HYDIN: variants seen among roughly 807,000 people sequenced by gnomAD.
The protein encoded by HYDIN is axonemal central pair apparatus protein HYDIN.
A neutral mutation model predicts 403.9 loss-of-function variants in HYDIN; 132 were observed. The observed-to-expected ratio is 0.33, with a 90% CI of 0.28 to 0.38. The LOEUF (loss-of-function observed/expected upper bound fraction) is 0.38. Ranked by LOEUF, HYDIN falls within the 10% of genes least tolerant of loss-of-function variation. HYDIN has a pLI of 1.00. For synonymous variants in HYDIN, 1,202 were observed against 1,891.7 expected (o/e 0.64, Z 9.46); for missense variants, 2,827 against 5,009.5 (o/e 0.56, Z 13.15).
At chr16:70,946,119 G>A (rs2077852296) in intron 41 of HYDIN, among the ~76,000 whole-genome samples, 1 of 145,232 alleles carries the variant, frequency 6.9e-6, no homozygotes, top group South Asian at 2.4e-4. Context: ...CATTGGATAA[G>A]AGAAGGGGTG....
intron 78 of HYDIN, among the ~76,000 whole-genome samples, 185 bp downstream of exon 78, chr16:70,835,491 A>G (rs2037365856): frequency 6.6e-6 from 1 of 152,264 alleles, no homozygotes; most frequent in South Asian, 2.1e-4. Context: ...GTGTGGGACT[A>G]GTGCACCCTG....
chr16:70,969,419 A>G (rs2078674933), intron 36 of HYDIN, among the ~76,000 whole-genome samples: 1 of 152,190 alleles, frequency 6.6e-6, no homozygotes, highest in Non-Finnish European at 1.5e-5. Flanking sequence ...CAGAGGAAAA[A>G]AAATAATTCA....
chr16:71,073,759 C>G (rs1368909313), intron 13 of HYDIN, among the ~76,000 whole-genome samples: 2 of 152,188 alleles, frequency 1.3e-5, no homozygotes, highest in Non-Finnish European at 2.9e-5. Context: ...TTACTTGGTC[C>G]ATTTATTCTT....
At chr16:70,881,618 A>G (rs2040815477) in intron 60 of HYDIN, among the ~76,000 whole-genome samples, 1 of 152,044 alleles carries the variant, frequency 6.6e-6, no homozygotes, top group African/African-American at 2.4e-5. Context: ...AAAAAAAAAA[A>G]AAAAACTCAG....
At chr16:71,156,262 A>G (rs1211138760) in intron 6 of HYDIN, among the ~76,000 whole-genome samples, 1 of 152,170 alleles carries the variant, frequency 6.6e-6, no homozygotes, top group African/African-American at 2.4e-5. Context: ...CGTTGGGTTT[A>G]GGTTACACAA....
intron 1 of HYDIN, among the ~76,000 whole-genome samples, chr16:71,215,505 G>C (rs2088831621): frequency 6.6e-6 from 1 of 151,920 alleles, no homozygotes; most frequent in South Asian, 2.1e-4. Flanking sequence ...AATCTTGATG[G>C]GGAACATTAT....
intron 1 of HYDIN, among the ~76,000 whole-genome samples, chr16:71,193,472 G>C (rs2087536830): frequency 6.6e-6 from 1 of 152,124 alleles, no homozygotes; most frequent in South Asian, 2.1e-4. Flanking sequence ...AGACAGAATA[G>C]GGTTTGCCAT....
intron 46 of HYDIN, 30 bp downstream of exon 46, chr16:70,920,561 G>T: frequency 6.4e-7 from 1 of 1,553,440 alleles, no homozygotes; most frequent in Non-Finnish European, 8.7e-7. Flanking sequence ...CCTGACTTGA[G>T]ACTTCCCCAC....
At chr16:71,200,980 C>T (rs183449609) in intron 1 of HYDIN, among the ~76,000 whole-genome samples, 18 of 152,264 alleles carry the variant, frequency 1.2e-4, no homozygotes, top group Admixed American at 9.2e-4. Context: ...GGGTAAAATG[C>T]CTGGAACTTT....
chr16:71,112,916 CATAAG>C (rs1450557813), intron 10 of HYDIN, among the ~76,000 whole-genome samples: 11 of 152,100 alleles, frequency 7.2e-5, no homozygotes, highest in Non-Finnish European at 1.3e-4. Context: ...AAATAAACCT[CATAAG>C]ATAAAATAAA....
chr16:71,137,912 AAAAG>A (rs1468609635), intron 7 of HYDIN, among the ~76,000 whole-genome samples: 1 of 149,870 alleles, frequency 6.7e-6, no homozygotes, highest in Non-Finnish European at 1.5e-5. Context: ...AAAACAAAAC[AAAAG>A]AAACACACAC....
At chr16:70,899,143 C>G (rs1297141026) in intron 53 of HYDIN, among the ~76,000 whole-genome samples, 2 of 152,008 alleles carry the variant, frequency 1.3e-5, no homozygotes, top group African/African-American at 4.8e-5. Flanking sequence ...TCATCCAATC[C>G]CATGCTAGAC....
At chr16:70,829,575 A>T (rs759094501) in intron 81 of HYDIN, 43 bp downstream of exon 81, 4 of 1,526,456 alleles carry the variant, frequency 2.6e-6, no homozygotes, top group Admixed American at 1.7e-5. Flanking sequence ...GCCACCTTCA[A>T]CTATGCCAGG....
chr16:71,174,710 A>G (rs1597949776), intron 5 of HYDIN, among the ~76,000 whole-genome samples: 1 of 152,044 alleles, frequency 6.6e-6, no homozygotes, highest in African/African-American at 2.4e-5. Flanking sequence ...ATGACTGAGG[A>G]GAGTGAGATT....
chr16:70,896,192 C>T (rs2143734910), intron 53 of HYDIN, 112 bp from the exon 54 acceptor site: 2 of 1,329,524 alleles, frequency 1.5e-6, no homozygotes, highest in South Asian at 3.3e-5. Flanking sequence ...AAGTGTATTC[C>T]CCTGTAGGTA....
chr16:70,987,374 T>G (rs1413881697), intron 27 of HYDIN, among the ~76,000 whole-genome samples: 1 of 150,226 alleles, frequency 6.7e-6, no homozygotes, highest in Non-Finnish European at 1.5e-5. Context: ...GTCGCTGGAC[T>G]TACTGAATCA....
intron 45 of HYDIN, among the ~76,000 whole-genome samples, chr16:70,926,032 C>A (rs2077142086): frequency 1.3e-5 from 2 of 150,920 alleles, no homozygotes; most frequent in Admixed American, 1.3e-4. Flanking sequence ...ACTAGTTCAA[C>A]CATTGTGGAA....
At chr16:70,985,363 C>T (rs562485401) in intron 27 of HYDIN, 41 bp from the exon 28 acceptor site, 165 of 1,072,830 alleles carry the variant, frequency 1.5e-4, no homozygotes, top group East Asian at 7.2e-4. Flanking sequence ...TCTTGGGATG[C>T]GGCTTTGATA....
Position 70,833,985 on chromosome 16 carries a change from G to T in HYDIN, c.13581C>A (p.Ile4527=), listed in dbSNP as rs777201437. The change falls in exon 79 of 86, where the codon ATC becomes ATA. Residue 4527 remains isoleucine, a synonymous_variant. Transcript: ENST00000393567. ...AGGGAATATGTTCCTGGTCCAGTGA[G>T]ATCTCCAGGGCCTGGCAGCAGCCGC... ...LLSGCCQALE[I]SLDQEHIPFG... is the part of the protein sequence containing the mutation. The T allele has an allele frequency of 1.9e-6, 3 of 1,609,916 alleles. No homozygotes were observed. The highest frequency in any genetic ancestry group is 2.5e-6 in the Non-Finnish European group (3 of 1,177,192).
Sources: gnomAD v4.1 joint callset for allele counts (sites outside exome capture counted in the v4.1 genomes callset) on GRCh38, gnomAD v4.1.1 for gene constraint, MANE v1.5 for transcripts, NCBI Gene and HGNC (gene_info 2026-07-23, HGNC 2026-07-21) for gene names.